Variants in CASD1 observed in about 807,000 individuals in gnomAD.
CASD1 encodes the protein CAS1 domain sialic acid O acetyltransferase 1.
CASD1 carries 41 observed loss-of-function variants against 100.0 expected under a neutral mutation model. The ratio of observed to expected loss-of-function variants is 0.41; its 90% confidence interval spans 0.32 to 0.53. CASD1 has a LOEUF of 0.53. Ranked by LOEUF, CASD1 falls within the 20% of genes least tolerant of loss-of-function variation. CASD1 has a pLI of 0.25. For missense variants in CASD1, 774 were observed against 948.7 expected (o/e 0.82, Z 2.42); for synonymous variants, 321 against 315.6 (o/e 1.02, Z -0.18).
intron 1 of CASD1, among the ~76,000 whole-genome samples, chr7:94,512,398 A>C (rs1384610971): frequency 6.6e-6 from 1 of 152,238 alleles, no homozygotes; most frequent in African/African-American, 2.4e-5. Flanking sequence ...CTTACATTAG[A>C]TGAAGGAGAT....
intron 10 of CASD1, among the ~76,000 whole-genome samples, chr7:94,539,327 G>T (rs1469366717): frequency 1.3e-5 from 2 of 152,070 alleles, no homozygotes; most frequent in South Asian, 4.1e-4. Context: ...ATATCTAAGG[G>T]TATTATTTTA....
intron 1 of CASD1, 69 bp downstream of exon 1, chr7:94,510,286 C>A: frequency 1.7e-6 from 2 of 1,208,978 alleles, no homozygotes; most frequent in Non-Finnish European, 2.2e-6. Flanking sequence ...TGGAGGCCGC[C>A]CCCATCGCCC....
chr7:94,591,088 G>A, the CASD1 span, among the ~76,000 whole-genome samples: 2 of 152,156 alleles, frequency 1.3e-5, no homozygotes, highest in East Asian at 3.8e-4. Flanking sequence ...CCTTATCCTT[G>A]TGTAGGCTAG....
At chr7:94,606,975 G>A in the CASD1 span, among the ~76,000 whole-genome samples, 13 of 152,016 alleles carry the variant, frequency 8.6e-5, no homozygotes, top group South Asian at 1.5e-3. Context: ...ATACTTAGAA[G>A]GAAATTCATA....
intron 16 of CASD1, among the ~76,000 whole-genome samples, chr7:94,553,484 A>T (rs1796048098): frequency 6.6e-6 from 1 of 152,088 alleles, no homozygotes; most frequent in African/African-American, 2.4e-5. Context: ...TCTTTTATGC[A>T]TCCTAGAGAC....
the CASD1 span, among the ~76,000 whole-genome samples, chr7:94,582,796 G>A: frequency 3.3e-5 from 5 of 152,224 alleles, no homozygotes; most frequent in South Asian, 2.1e-4. Context: ...TTTGTATGAC[G>A]ACTTAATATC....
At chr7:94,524,312 A>C (rs557575801) in intron 3 of CASD1, 1 of 152,268 alleles carries the variant, frequency 6.6e-6, no homozygotes, top group Non-Finnish European at 1.5e-5. Context: ...GAGAAAAGAT[A>C]ATTTACAACA....
the CASD1 span, among the ~76,000 whole-genome samples, chr7:94,562,794 T>A: frequency 6.6e-6 from 1 of 152,170 alleles, no homozygotes; most frequent in East Asian, 1.9e-4. Context: ...CAATAACCTC[T>A]TCTATGGATG....
In CASD1 at chr7:94,549,515, C is replaced by T. The variant is rs1562949061; in HGVS notation, c.1714-18C>T. On this transcript the variant is annotated intron_variant, in intron 13 of 17. Transcript: ENST00000297273. ...GACTTGTACCATCTTAATTTATTTTCTGGATTCCTTTTTTCAGGGTGCATT... is the reference window on the plus strand; with the variant it reads ...GACTTGTACCATCTTAATTTATTTTTTGGATTCCTTTTTTCAGGGTGCATT... The T allele has an allele frequency of 6.4e-7, 1 of 1,553,620 alleles. No individual in the cohort carries two copies. Among genetic ancestry groups the T allele is most frequent in the Non-Finnish European group, 8.8e-7 (1 of 1,134,618 alleles).
At chr7:94,549,418 A>G (rs556648801) in intron 13 of CASD1, 115 bp from the exon 14 acceptor site, 1 of 491,854 alleles carries the variant, frequency 2.0e-6, no homozygotes, top group African/African-American at 2.0e-5. Context: ...GAATTTTAAC[A>G]TTGTGAATGA....
chr7:94,526,235 A>G (rs1041403445), intron 3 of CASD1, among the ~76,000 whole-genome samples: 5 of 152,226 alleles, frequency 3.3e-5, no homozygotes, highest in Admixed American at 2.0e-4. Context: ...TGGGCTGGCA[A>G]CAGGCTTTGC....
the CASD1 span, among the ~76,000 whole-genome samples, chr7:94,576,257 A>G: frequency 6.6e-6 from 1 of 152,124 alleles, no homozygotes; most frequent in African/African-American, 2.4e-5. Context: ...TGCCTGCTCA[A>G]ATCTGCTGTT....
chr7:94,629,612 C>T, the CASD1 span: 1 of 999,184 alleles, frequency 1.0e-6, no homozygotes, highest in Non-Finnish European at 1.6e-6. Context: ...CATATTTAGA[C>T]CATTTGAAAT....
In CASD1 at chr7:94,549,287, A is replaced by C. The variant is rs534642333; in HGVS notation, c.1714-246A>C. Among the ~76,000 whole-genome samples the C allele has an allele frequency of 1.2e-3, 186 of 152,072 alleles. 3 individuals carry two copies. Among genetic ancestry groups the C allele is most frequent in the Admixed American group, 4.3e-3 (65 of 15,238 alleles). On this transcript the variant is annotated intron_variant, in intron 13 of 17. Transcript: ENST00000297273. ...GTAGCCTTTCATGTGAAATGAAAAT[A>C]AGTTTACCAAGTTTTAAGTCATCTT...
downstream of CASD1, among the ~76,000 whole-genome samples, chr7:94,559,324 G>GTGTGTGTA (rs747599131): frequency 2.3e-5 from 3 of 128,196 alleles, no homozygotes; most frequent in South Asian, 3.3e-4. Context: ...GTGTGTGTGT[G>GTGTGTGTA]TATATATATA....
rs1341391944 is a variant in CASD1, at chr7:94,555,902, A to G, written c.*144A>G. On this transcript the variant is annotated 3_prime_UTR_variant, in exon 18 of 18. Transcript: ENST00000297273. ...GACAGTTCTGTGACATCTGTTGAAC[A>G]TATGTGGTTGTATATATTGGAAATG... is the stretch of plus-strand genomic sequence containing the variant. The G allele has an allele frequency of 5.4e-5, 42 of 781,080 alleles. No homozygotes were observed. Among genetic ancestry groups the G allele is most frequent in the Non-Finnish European group, 8.4e-5 (42 of 498,040 alleles). The allele number at this position is 781,080 out of a possible 1,614,324, so 48.4% of individuals were successfully genotyped here.
At chr7:94,553,185 G>A in intron 16 of CASD1, 1 of 436,414 alleles carries the variant, frequency 2.3e-6, no homozygotes, top group African/African-American at 2.1e-5. Flanking sequence ...TATTTACAAT[G>A]TTTCTTTAAA....
chr7:94,527,026 A>T, intron 3 of CASD1, 136 bp from the exon 4 acceptor site: 1 of 652,490 alleles, frequency 1.5e-6, no homozygotes, highest in South Asian at 2.2e-5. Context: ...GGTTGAATGT[A>T]TAGATAATTG....
Position 94,537,726 on chromosome 7 carries a change from A to G in CASD1, c.1098A>G (p.Ile366Met), listed in dbSNP as rs745942988. 37 of 1,613,782 alleles carry G rather than the reference A, an allele frequency of 2.3e-5. No individual in the cohort carries two copies. In the African/African-American group the frequency reaches 4.5e-4, roughly 20 times the overall value. ...IINTPVSSLEILLQSFCKLGL... is the reference protein window; with the variant it reads ...IINTPVSSLEMLLQSFCKLGL... Reference sequence around the variant, plus strand: ...ATACCCCTGTGTCTTCATTAGAAATACTTTTACAATCTTTCTGCAAACTTG... The same window carrying G: ...ATACCCCTGTGTCTTCATTAGAAATGCTTTTACAATCTTTCTGCAAACTTG... The change falls in exon 9 of 18, where the codon ATA becomes ATG. Residue 366 changes from isoleucine (I) to methionine (M), a missense_variant. Physicochemically the swap from Ile to Met is conservative, Grantham distance 10. Coordinates refer to ENST00000297273, the MANE Select transcript of CASD1 (RefSeq NM_022900.5).
Sources: allele counts gnomAD v4.1 joint callset (sites outside exome capture counted in the v4.1 genomes callset), GRCh38; gene constraint gnomAD v4.1.1; transcripts MANE v1.5; gene names NCBI Gene and HGNC (gene_info 2026-07-23, HGNC 2026-07-21).